GGT1: variants seen among roughly 807,000 people sequenced by gnomAD.
GGT1 encodes the protein gamma-glutamyltransferase 1.
A neutral mutation model predicts 56.0 loss-of-function variants in GGT1; 21 were observed. The observed-to-expected ratio is 0.38, with a 90% CI of 0.27 to 0.54. GGT1 has a LOEUF of 0.54. GGT1 is among the 20% of genes least tolerant of loss of function. The probability of loss-of-function intolerance (pLI) is 0.82; values close to 1 mark genes in which losing one functional copy is unlikely to be tolerated. For missense variants in GGT1, 466 were observed against 787.0 expected (o/e 0.59, Z 4.88); for synonymous variants, 238 against 342.6 (o/e 0.69, Z 3.37).
At chr22:24,586,259 A>G in the GGT1 span, 2 of 1,613,836 alleles carry the variant, frequency 1.2e-6, no homozygotes, top group African/African-American at 2.7e-5. Flanking sequence ...CTCATCACTC[A>G]GCCCCGTGAA....
intron 6 of GGT1, 27 bp downstream of exon 6, chr22:24,614,933 G>T: frequency 6.2e-7 from 1 of 1,610,958 alleles, no homozygotes; most frequent in South Asian, 1.1e-5. Context: ...AGGAGAGGGA[G>T]AGGGGCAGGG....
At chr22:24,624,818 G>A (rs4535160) in intron 11 of GGT1, 1 of 162,272 alleles carries the variant, frequency 6.2e-6, no homozygotes, top group Non-Finnish European at 1.3e-5. Context: ...GCTCCTCTTA[G>A]AGCAAACATG....
intron 5 of GGT1, among the ~76,000 whole-genome samples, chr22:24,611,773 TTGTGTGTGTGTGTGTGTG>T (rs57600451): frequency 1.4e-4 from 18 of 130,910 alleles, no homozygotes; most frequent in African/African-American, 3.0e-4. Flanking sequence ...CCCAACAAAT[TTGTGTGTGTGTGTGTGTG>T]TGTGTGTGTG....
chr22:24,590,083 C>A, upstream of GGT1: 2 of 1,101,844 alleles, frequency 1.8e-6, no homozygotes, highest in Non-Finnish European at 2.5e-6. Context: ...GGATTCTCCC[C>A]ACAGGCGGCC....
Position 24,605,645 on chromosome 22 carries a change from ATAT to A in GGT1, c.-429+2122_-429+2124del, listed in dbSNP as rs1330636164. Among the ~76,000 whole-genome samples, 8 of 40,500 alleles carry A rather than the reference ATAT, an allele frequency of 2.0e-4. 2 individuals carry two copies. In the East Asian group the frequency reaches 2.5e-3, roughly 13 times the overall value. The allele number at this position is 40,500 out of a possible 152,430, so 26.6% of individuals were successfully genotyped here. A position where few individuals can be genotyped will look rare whatever the true frequency, so the allele number is the denominator to read the frequency against. On this transcript the variant is annotated intron_variant, in intron 1 of 15. Coordinates refer to ENST00000400382, the MANE Select transcript of GGT1 (RefSeq NM_001288833.2). ...TTATATAATGTGTATTATATATATA[ATAT>A]TATATAATGTGTATTATATATTTAA...
At chr22:24,593,547 G>C (rs77215897), upstream of GGT1, among the ~76,000 whole-genome samples, 7 of 152,298 alleles carry the variant, frequency 4.6e-5, no homozygotes, top group East Asian at 3.9e-4. Context: ...CAGCACTTTG[G>C]GGGGCCGAGG....
upstream of GGT1, among the ~76,000 whole-genome samples, chr22:24,601,224 G>A (rs1296009090): frequency 1.3e-5 from 2 of 152,324 alleles, no homozygotes; most frequent in Non-Finnish European, 2.9e-5. Flanking sequence ...CGCATTGTTC[G>A]ATCATTGTGA....
At chr22:24,601,964 C>G (rs1359622187), upstream of GGT1, among the ~76,000 whole-genome samples, 1 of 152,202 alleles carries the variant, frequency 6.6e-6, no homozygotes, top group Non-Finnish European at 1.5e-5. Context: ...AGCTAATGGA[C>G]ACCCACCAGG....
intron 11 of GGT1, among the ~76,000 whole-genome samples, chr22:24,626,138 G>A (rs1432876749): frequency 3.4e-5 from 5 of 147,190 alleles, no homozygotes; most frequent in African/African-American, 1.3e-4. Context: ...GACTACATGT[G>A]CCCACCACCG....
intron 5 of GGT1, among the ~76,000 whole-genome samples, chr22:24,611,550 CTATCTATCTATCT>C (rs1569054960): frequency 4.7e-4 from 21 of 44,806 alleles, no homozygotes; most frequent in South Asian, 1.6e-3. Flanking sequence ...TATCATCTAT[CTATCTATCTATCT>C]ATCTATCTAT....
chr22:24,624,427 C>T (rs1332450016), intron 11 of GGT1: 2 of 984,472 alleles, frequency 2.0e-6, no homozygotes, highest in Non-Finnish European at 2.4e-6. Flanking sequence ...TCCTCACATC[C>T]CTCCTTACCT....
chr22:24,591,287 C>G (rs998845582), upstream of GGT1, among the ~76,000 whole-genome samples: 1 of 152,246 alleles, frequency 6.6e-6, no homozygotes, highest in African/African-American at 2.4e-5. Context: ...CCATGTTGGT[C>G]AGGCTGGTCT....
chr22:24,585,606 C>A, the GGT1 span: 6 of 505,700 alleles, frequency 1.2e-5, no homozygotes, highest in Admixed American at 3.6e-5. Flanking sequence ...GCTCAGTGAC[C>A]CTGAGGTTGG....
At chr22:24,600,471 G>A (rs3788375), upstream of GGT1, among the ~76,000 whole-genome samples, 50,162 of 152,186 alleles carry the variant, frequency 0.33, 8,663 homozygotes, top group Middle Eastern at 0.49. Context: ...CAGCCCTGCT[G>A]CTGGGTGCTC....
rs376236274 is a variant in GGT1, at chr22:24,615,085, G to T, written c.340G>T (p.Ala114Ser). Reference sequence around the variant, plus strand: ...CGCCCGCGAGGTGGCCCCCAGGCTGGCCTTTGCCACCATGTTCAACAGCTC... The same window carrying T: ...CGCCCGCGAGGTGGCCCCCAGGCTGTCCTTTGCCACCATGTTCAACAGCTC... Reference protein sequence around the residue: ...INAREVAPRLAFATMFNSSEQ... With the variant: ...INAREVAPRLSFATMFNSSEQ... The change falls in exon 7 of 16, where the codon GCC (alanine) becomes TCC (serine). Residue 114 changes from alanine to serine, a missense_variant. Ala to Ser is a moderately conservative substitution (Grantham distance 99, BLOSUM62 1). Coordinates refer to ENST00000400382, the MANE Select transcript of GGT1 (RefSeq NM_001288833.2). 245 of 1,612,084 alleles carry T rather than the reference G, an allele frequency of 1.5e-4. No homozygotes were observed. The highest frequency in any genetic ancestry group is 2.0e-4 in the Non-Finnish European group (240 of 1,179,762).
At chr22:24,605,575 G>T in intron 1 of GGT1, among the ~76,000 whole-genome samples, 7 of 45,444 alleles carry the variant, frequency 1.5e-4, no homozygotes, top group Non-Finnish European at 1.9e-4. Context: ...TATATAATGT[G>T]TATTATATAT....
the GGT1 span, chr22:24,588,983 C>T: frequency 9.9e-7 from 1 of 1,009,838 alleles, no homozygotes; most frequent in Non-Finnish European, 1.2e-6. Context: ...TTATCCAGTC[C>T]CTCTGTGAGC....
At chr22:24,595,451 A>G (rs1485160520) in intron 1 of GGT1, among the ~76,000 whole-genome samples, 1 of 152,212 alleles carries the variant, frequency 6.6e-6, no homozygotes, top group Non-Finnish European at 1.5e-5. Flanking sequence ...CCTGAGCAGC[A>G]GAGCTGTGTT....
At chr22:24,622,787 G>A (rs1280533720) in intron 9 of GGT1, among the ~76,000 whole-genome samples, 1 of 152,038 alleles carries the variant, frequency 6.6e-6, no homozygotes, top group Non-Finnish European at 1.5e-5. Context: ...ACAGATGAGA[G>A]AAGGCAGACA....
Sources: allele counts gnomAD v4.1 joint callset (sites outside exome capture counted in the v4.1 genomes callset), GRCh38; gene constraint gnomAD v4.1.1; transcripts MANE v1.5; gene names NCBI Gene and HGNC (gene_info 2026-07-23, HGNC 2026-07-21).